CNTNAP5: variants seen among roughly 807,000 people sequenced by gnomAD.
The protein encoded by CNTNAP5 is contactin associated protein family member 5.
Under a neutral mutation model 150.2 loss-of-function variants are expected in CNTNAP5, and 72 were observed. The ratio of observed to expected loss-of-function variants is 0.48; its 90% CI spans 0.40 to 0.58. CNTNAP5 has a LOEUF of 0.58. CNTNAP5 is among the 20% of genes least tolerant of loss of function. The pLI, the probability that CNTNAP5 is intolerant of heterozygous loss-of-function variation, is 0.00. For missense variants in CNTNAP5, 1,636 were observed against 1,626.2 expected, an observed-to-expected ratio of 1.01 and a Z score of -0.10; for synonymous variants, 672 against 619.8, an observed-to-expected ratio of 1.08 and a Z score of -1.25.
intron 1 of CNTNAP5, among the ~76,000 whole-genome samples, chr2:124,110,350 C>T (rs779246144): frequency 1.3e-4 from 20 of 151,994 alleles, no homozygotes; most frequent in African/African-American, 2.9e-4. Flanking sequence ...CTCATATAAT[C>T]GATGAATTCA....
chr2:124,104,416 T>C (rs1683129973), intron 1 of CNTNAP5, among the ~76,000 whole-genome samples: 1 of 152,164 alleles, frequency 6.6e-6, no homozygotes, highest in East Asian at 1.9e-4. Flanking sequence ...ACACATCTAT[T>C]CTAGACACCA....
At chr2:124,854,562 T>C (rs1677309400) in intron 19 of CNTNAP5, among the ~76,000 whole-genome samples, 1 of 152,232 alleles carries the variant, frequency 6.6e-6, no homozygotes, top group African/African-American at 2.4e-5. Flanking sequence ...TGTAGCATTA[T>C]AGCCATTTGT....
chr2:124,791,664 A>G (rs1253049560), intron 18 of CNTNAP5, among the ~76,000 whole-genome samples: 1 of 149,048 alleles, frequency 6.7e-6, no homozygotes, highest in Admixed American at 6.7e-5. Flanking sequence ...GATCTCGTAG[A>G]TCATATTGTT....
intron 1 of CNTNAP5, among the ~76,000 whole-genome samples, chr2:124,182,449 T>A (rs1185422944): frequency 6.6e-6 from 1 of 152,048 alleles, no homozygotes; most frequent in Non-Finnish European, 1.5e-5. Flanking sequence ...GAAGCGGAAG[T>A]AACTTGCCAA....
chr2:124,240,046 C>T (rs965462877), intron 2 of CNTNAP5, among the ~76,000 whole-genome samples: 1 of 151,982 alleles, frequency 6.6e-6, no homozygotes, highest in Non-Finnish European at 1.5e-5. Context: ...CTGGATTTAC[C>T]CTATGTTTTA....
intron 3 of CNTNAP5, among the ~76,000 whole-genome samples, chr2:124,284,890 C>T (rs1239709384): frequency 6.6e-6 from 1 of 152,060 alleles, no homozygotes; most frequent in Non-Finnish European, 1.5e-5. Flanking sequence ...ATGACACTCC[C>T]AAGGGAAAGG....
At chr2:124,682,843 A>G (rs1679100295) in intron 13 of CNTNAP5, among the ~76,000 whole-genome samples, 1 of 152,186 alleles carries the variant, frequency 6.6e-6, no homozygotes, top group South Asian at 2.1e-4. Flanking sequence ...CCAGCTATGG[A>G]AAAGGATGTT....
At chr2:124,540,371 G>A (rs1318160811) in intron 10 of CNTNAP5, among the ~76,000 whole-genome samples, 1 of 152,140 alleles carries the variant, frequency 6.6e-6, no homozygotes, top group African/African-American at 2.4e-5. Flanking sequence ...ATCAACATTA[G>A]CATTTGTGTA....
intron 1 of CNTNAP5, among the ~76,000 whole-genome samples, chr2:124,145,754 C>T (rs1417983681): frequency 8.4e-6 from 1 of 118,966 alleles, no homozygotes; most frequent in Non-Finnish European, 1.7e-5. Context: ...TGTAACTAAC[C>T]TGCACAATGT....
chr2:124,701,093 T>A (rs1461136739), intron 13 of CNTNAP5, among the ~76,000 whole-genome samples: 1 of 152,044 alleles, frequency 6.6e-6, no homozygotes, highest in Admixed American at 6.6e-5. Context: ...ATAATGTACC[T>A]TAGATCTCTA....
chr2:124,634,677 T>A (rs1677935737), intron 12 of CNTNAP5, among the ~76,000 whole-genome samples: 1 of 152,108 alleles, frequency 6.6e-6, no homozygotes, highest in Non-Finnish European at 1.5e-5. Flanking sequence ...CTGGCTAATT[T>A]TTTTTTGATA....
intron 3 of CNTNAP5, among the ~76,000 whole-genome samples, chr2:124,376,210 G>A (rs955768407): frequency 3.3e-5 from 5 of 151,982 alleles, no homozygotes; most frequent in African/African-American, 1.2e-4. Context: ...ATGAATTCAG[G>A]CGAAATAAAA....
Position 124,796,135 on chromosome 2 carries a change from T to C in CNTNAP5, c.2993-1961T>C, listed in dbSNP as rs575849785. Reference sequence around the variant, plus strand: ...TATGATAAAACAGACAATATTTAAATATTAAAAATAACTAGAACTGGGGCT... The same window carrying C: ...TATGATAAAACAGACAATATTTAAACATTAAAAATAACTAGAACTGGGGCT... On this transcript the variant is annotated intron_variant, in intron 18 of 23. Transcript: ENST00000682447. Among the ~76,000 whole-genome samples the C allele has an allele frequency of 2.7e-4, 41 of 152,280 alleles. 1 individual carries two copies. In the South Asian group the frequency reaches 7.9e-3, roughly 29 times the overall value.
intron 1 of CNTNAP5, among the ~76,000 whole-genome samples, chr2:124,073,752 G>A (rs1371371777): frequency 6.6e-6 from 1 of 152,074 alleles, no homozygotes. Context: ...ATGTTAATTA[G>A]TACAACCACT....
intron 1 of CNTNAP5, among the ~76,000 whole-genome samples, chr2:124,038,500 A>G (rs1681282195): frequency 6.6e-6 from 1 of 152,154 alleles, no homozygotes; most frequent in Admixed American, 6.6e-5. Flanking sequence ...AAGGACACAG[A>G]GTATTCTGAG....
intron 19 of CNTNAP5, among the ~76,000 whole-genome samples, chr2:124,840,226 G>A (rs1558796189): frequency 6.6e-6 from 1 of 152,154 alleles, no homozygotes; most frequent in African/African-American, 2.4e-5. Context: ...AGCTAAGGAT[G>A]TTTATTCACT....
intron 6 of CNTNAP5, among the ~76,000 whole-genome samples, chr2:124,454,185 T>C (rs1693058536): frequency 6.6e-6 from 1 of 151,932 alleles, no homozygotes; most frequent in Non-Finnish European, 1.5e-5. Context: ...TCACATAAAC[T>C]TAAGGTAAAG....
intron 1 of CNTNAP5, among the ~76,000 whole-genome samples, chr2:124,103,304 T>C (rs1431048013): frequency 6.6e-6 from 1 of 152,168 alleles, no homozygotes; most frequent in Admixed American, 6.5e-5. Context: ...CATGTTATAG[T>C]AAGCTGCAGT....
chr2:124,193,746 G>A (rs1252662164), intron 1 of CNTNAP5, among the ~76,000 whole-genome samples: 1 of 152,150 alleles, frequency 6.6e-6, no homozygotes, highest in Non-Finnish European at 1.5e-5. Flanking sequence ...GAAATGTGAA[G>A]CATTTATTTT....
Sources: allele counts gnomAD v4.1 joint callset (sites outside exome capture counted in the v4.1 genomes callset), GRCh38; gene constraint gnomAD v4.1.1; transcripts MANE v1.5; gene names NCBI Gene and HGNC (gene_info 2026-07-23, HGNC 2026-07-21).